CEP170: variants seen among roughly 807,000 people sequenced by gnomAD.
CEP170 encodes centrosomal protein of 170 kDa.
Under a neutral mutation model 151.9 loss-of-function variants are expected in CEP170, and 21 were observed. That is an observed-to-expected ratio of 0.14 (90% confidence interval 0.10 to 0.20). The LOEUF is 0.20. CEP170 is among the 10% of genes least tolerant of loss of function. The pLI is 1.00. For missense variants in CEP170, 964 were observed against 1,892.9 expected (o/e 0.51, Z 9.11); for synonymous variants, 356 against 648.8 (o/e 0.55, Z 6.86).
At chr1:243,230,736 G>A (rs779092432) in intron 1 of CEP170, among the ~76,000 whole-genome samples, 1 of 151,878 alleles carries the variant, frequency 6.6e-6, no homozygotes, top group Non-Finnish European at 1.5e-5. Context: ...AACAAATGAA[G>A]TAAAATGAAC....
At chr1:243,180,441 G>C (rs2059548363) in intron 10 of CEP170, among the ~76,000 whole-genome samples, 1 of 152,052 alleles carries the variant, frequency 6.6e-6, no homozygotes, top group Admixed American at 6.5e-5. Flanking sequence ...AAGCTCTCCT[G>C]GTAGAAATTA....
chr1:243,182,081 A>T (rs1177825680), intron 10 of CEP170, among the ~76,000 whole-genome samples: 1 of 152,114 alleles, frequency 6.6e-6, no homozygotes, highest in Non-Finnish European at 1.5e-5. Context: ...TCTCATGAAT[A>T]TATTAATGCT....
chr1:243,210,109 G>A (rs184726582), intron 4 of CEP170, among the ~76,000 whole-genome samples: 5 of 152,258 alleles, frequency 3.3e-5, no homozygotes, highest in South Asian at 4.1e-4. Context: ...CAAAACATCC[G>A]TCCCAACAAT....
chr1:243,154,557 T>C (rs1385031022), intron 14 of CEP170, among the ~76,000 whole-genome samples: 1 of 152,214 alleles, frequency 6.6e-6, no homozygotes, highest in Non-Finnish European at 1.5e-5. Context: ...CTAGAAAGTA[T>C]AACTTGAAAA....
chr1:243,152,688 T>C (rs1173584933), intron 14 of CEP170, among the ~76,000 whole-genome samples: 3 of 150,746 alleles, frequency 2.0e-5, no homozygotes, highest in Non-Finnish European at 4.4e-5. Context: ...CGTACCACCA[T>C]GCCCAGCTAA....
chr1:243,247,129 T>A (rs2065478777), intron 1 of CEP170, among the ~76,000 whole-genome samples: 1 of 152,170 alleles, frequency 6.6e-6, no homozygotes, highest in Admixed American at 6.5e-5. Flanking sequence ...TTGCACTTTT[T>A]CTATTCCATG....
intron 7 of CEP170, among the ~76,000 whole-genome samples, chr1:243,193,608 C>T (rs770761624): frequency 2.0e-5 from 3 of 152,042 alleles, no homozygotes; most frequent in Admixed American, 6.6e-5. Flanking sequence ...ACTTCAAACT[C>T]GCATTCACTC....
At chr1:243,205,232 T>G (rs1308748901) in intron 4 of CEP170, among the ~76,000 whole-genome samples, 1 of 152,072 alleles carries the variant, frequency 6.6e-6, no homozygotes, top group Non-Finnish European at 1.5e-5. Context: ...CTCTGGAAAA[T>G]ATTAGAGATA....
chr1:243,169,557 T>G, intron 12 of CEP170, 71 bp downstream of exon 12: 1 of 1,477,458 alleles, frequency 6.8e-7, no homozygotes, highest in East Asian at 2.5e-5. Context: ...CAGAGAAGAG[T>G]AAGAGAAAGA....
At chr1:243,139,572 C>A (rs2055579369) in intron 16 of CEP170, among the ~76,000 whole-genome samples, 1 of 151,080 alleles carries the variant, frequency 6.6e-6, no homozygotes, top group African/African-American at 2.5e-5. Context: ...TTTTCTAAGG[C>A]CAAAAGTTTG....
intron 1 of CEP170, among the ~76,000 whole-genome samples, chr1:243,227,641 G>A (rs2149035972): frequency 6.6e-6 from 1 of 152,296 alleles, no homozygotes; most frequent in Non-Finnish European, 1.5e-5. Flanking sequence ...ATACAGCAAT[G>A]ATGAATACAA....
intron 14 of CEP170, among the ~76,000 whole-genome samples, chr1:243,151,505 G>C (rs988522271): frequency 3.3e-5 from 5 of 152,026 alleles, no homozygotes; most frequent in African/African-American, 1.2e-4. Context: ...GATCAAACCA[G>C]CCACAACATT....
intron 8 of CEP170, among the ~76,000 whole-genome samples, chr1:243,187,882 A>C (rs1341809729): frequency 6.6e-6 from 1 of 152,206 alleles, no homozygotes; most frequent in Admixed American, 6.5e-5. Context: ...AAAGGGAGTA[A>C]GATCAAAATG....
chr1:243,173,391 A>G (rs2058997756), intron 10 of CEP170, among the ~76,000 whole-genome samples: 1 of 151,584 alleles, frequency 6.6e-6, no homozygotes, highest in Non-Finnish European at 1.5e-5. Context: ...AACATTTAGC[A>G]AATGTCCTGT....
chr1:243,177,266 A>G (rs2148658668), intron 10 of CEP170, among the ~76,000 whole-genome samples: 1 of 152,376 alleles, frequency 6.6e-6, no homozygotes, highest in Non-Finnish European at 1.5e-5. Context: ...AATACAATGT[A>G]GAGCAAAATG....
chr1:243,242,523 G>T, intron 1 of CEP170, among the ~76,000 whole-genome samples: 1 of 151,782 alleles, frequency 6.6e-6, no homozygotes, highest in Non-Finnish European at 1.5e-5. Context: ...CGGCCAATGA[G>T]TTATGTTCTA....
Position 243,169,782 on chromosome 1 carries a change from T to C in CEP170, c.1717-28A>G, listed in dbSNP as rs1413039036. ...AAAGGAGAAAAATAAGAAAACAAAA[T>C]CATGCAGCCTGGTCATATCTGAGTC... On this transcript the variant is annotated intron_variant, in intron 11 of 19. Coordinates refer to ENST00000366542, the MANE Select transcript of CEP170 (RefSeq NM_014812.3). 3 of 1,591,380 alleles carry C rather than the reference T, an allele frequency of 1.9e-6. No individual in the cohort carries two copies. The South Asian group carries it at 3.5e-5, about 18-fold the overall frequency.
At chr1:243,216,692 T>C (rs1489060267) in intron 3 of CEP170, among the ~76,000 whole-genome samples, 1 of 152,144 alleles carries the variant, frequency 6.6e-6, no homozygotes, top group South Asian at 2.1e-4. Context: ...AGCATATATA[T>C]AGAGATAGGG....
chr1:243,176,774 G>T, intron 10 of CEP170: 1 of 388,606 alleles, frequency 2.6e-6, no homozygotes, highest in South Asian at 1.9e-5. Context: ...TTTTGAGGAG[G>T]TTACGTCTGA....
Sources: gnomAD v4.1 joint callset for allele counts (sites outside exome capture counted in the v4.1 genomes callset) on GRCh38, gnomAD v4.1.1 for gene constraint, MANE v1.5 for transcripts, NCBI Gene and HGNC (gene_info 2026-07-23, HGNC 2026-07-21) for gene names.